Variants in BORCS5 observed in about 807,000 individuals in gnomAD.
BORCS5 encodes the protein BLOC-1 related complex subunit 5, also known as BLOC-1-related complex subunit 5.
BORCS5 carries 17 observed loss-of-function variants against 22.1 expected under a neutral mutation model. That is an observed-to-expected ratio of 0.77 (90% confidence interval 0.53 to 1.15). The LOEUF is 1.15. Ranked by LOEUF, BORCS5 falls within the 50% of genes most tolerant of loss-of-function variation. The probability of loss-of-function intolerance (pLI) is 0.00; values close to 1 mark genes in which losing one functional copy is unlikely to be tolerated. For missense variants in BORCS5, 247 were observed against 253.2 expected (o/e 0.98, Z 0.17); for synonymous variants, 117 against 99.8 (o/e 1.17, Z -1.03).
At chr12:12,415,576 A>AGGGGGAGGGGGG (rs1565887960) in intron 2 of BORCS5, among the ~76,000 whole-genome samples, 9 of 37,918 alleles carry the variant, frequency 2.4e-4, no homozygotes, top group Non-Finnish European at 4.2e-4. Flanking sequence ...GGGGAGGGGG[A>AGGGGGAGGGGGG]GGGGCGATTT....
intron 1 of BORCS5, among the ~76,000 whole-genome samples, chr12:12,359,882 A>T (rs1052698341): frequency 1.3e-5 from 2 of 152,120 alleles, no homozygotes; most frequent in African/African-American, 2.4e-5. Flanking sequence ...ACTGTCTAGC[A>T]CTGCTGACTT....
rs369992253 is a variant in BORCS5 at position 12,388,865 on chromosome 12, T to C, written c.202+27516T>C. Among the ~76,000 whole-genome samples the C allele has an allele frequency of 1.0e-4, 13 of 123,974 alleles. No individual in the cohort carries two copies. The East Asian group carries it at 2.7e-3, about 25-fold the overall frequency. The allele number at this position is 123,974 out of a possible 152,430, so 81.3% of individuals were successfully genotyped here. A position where few individuals can be genotyped will look rare whatever the true frequency, so the allele number is the denominator to read the frequency against. ...TTAAAAAATGTTCCAGATATGAGCA[T>C]AACTCCCTAAGCCATTCTTTTAGCA... On this transcript the variant is annotated intron_variant, in intron 2 of 3. Transcript: ENST00000314565.
chr12:12,465,515 G>A (rs1223169572), intron 3 of BORCS5, 31 bp from the exon 4 acceptor site: 1 of 1,588,702 alleles, frequency 6.3e-7, no homozygotes, highest in Non-Finnish European at 8.6e-7. Context: ...GATTAAACAA[G>A]GTATAATGTA....
chr12:12,421,479 G>A (rs1484334333), intron 2 of BORCS5, among the ~76,000 whole-genome samples: 1 of 152,096 alleles, frequency 6.6e-6, no homozygotes, highest in Admixed American at 6.6e-5. Flanking sequence ...TTTTCGCATC[G>A]ATGTTCATCA....
chr12:12,445,894 A>G (rs538856899), intron 3 of BORCS5, among the ~76,000 whole-genome samples: 1 of 151,326 alleles, frequency 6.6e-6, no homozygotes. Flanking sequence ...TCCTCCCACA[A>G]TGGCCTCCCA....
rs538108940 is a variant in BORCS5 at position 12,378,824 on chromosome 12, C to T, written c.202+17475C>T. Among the ~76,000 whole-genome samples the T allele has an allele frequency of 3.4e-4, 51 of 151,524 alleles. 2 individuals are homozygous for T. Among genetic ancestry groups the T allele is most frequent in the Admixed American group, 2.3e-3 (35 of 15,212 alleles). Reference sequence around the variant, plus strand: ...TGAGGGTGTAGTGGTGAGATCATGACTCACTGCAGCCTCGACCTCCCAGGC... The same window carrying T: ...TGAGGGTGTAGTGGTGAGATCATGATTCACTGCAGCCTCGACCTCCCAGGC... On this transcript the variant is annotated intron_variant, in intron 2 of 3. Coordinates refer to ENST00000314565, the MANE Select transcript of BORCS5 (RefSeq NM_058169.6).
intron 2 of BORCS5, among the ~76,000 whole-genome samples, chr12:12,430,311 T>C (rs1316026365): frequency 3.3e-5 from 5 of 152,044 alleles, no homozygotes; most frequent in East Asian, 3.9e-4. Context: ...CCACCACGCC[T>C]GGCTAATTTT....
intron 3 of BORCS5, among the ~76,000 whole-genome samples, chr12:12,449,694 G>C (rs559674746): frequency 3.3e-5 from 5 of 152,334 alleles, no homozygotes; most frequent in Admixed American, 6.5e-5. Context: ...TTTGAACAAA[G>C]GAAACAGGGT....
intron 2 of BORCS5, among the ~76,000 whole-genome samples, chr12:12,413,829 C>T (rs1307081423): frequency 7.2e-3 from 510 of 70,612 alleles, no homozygotes; most frequent in East Asian, 0.013. Flanking sequence ...GCTGGCCAGG[C>T]GGGGGGCTGG....
rs563549297 is a variant in BORCS5 at position 12,470,362 on chromosome 12, C to G, written c.*4586C>G. ...GGATTACAGGCGTGAGCCACTGCAC[C>G]TGGCCAGCTTCGTGTGTATTTATAG... On this transcript the variant is annotated 3_prime_UTR_variant, in exon 4 of 4. Transcript: ENST00000314565. Among the ~76,000 whole-genome samples, 7 of 152,316 alleles carry G rather than the reference C, an allele frequency of 4.6e-5. 1 individual carries two copies. The South Asian group carries it at 1.2e-3, about 27-fold the overall frequency.
At chr12:12,423,534 T>G (rs1942197304) in intron 2 of BORCS5, among the ~76,000 whole-genome samples, 1 of 131,818 alleles carries the variant, frequency 7.6e-6, no homozygotes, top group African/African-American at 3.6e-5. Context: ...AAATTCTTGG[T>G]TGACAGGTTT....
chr12:12,359,476 C>T (rs747481221), intron 1 of BORCS5, among the ~76,000 whole-genome samples: 3 of 151,444 alleles, frequency 2.0e-5, no homozygotes, highest in Non-Finnish European at 4.4e-5. Flanking sequence ...ATTTTCCTGC[C>T]TCAGCCTCCC....
At position 12,410,168 on chromosome 12, in the gene BORCS5, C is replaced by T. The variant is rs1308307901; in HGVS notation, c.203-25460C>T. ...TAGGTTGCAAACATTTTCTCCCATT[C>T]TGTAGGTTGCCTGTTCACTCTGATG... On this transcript the variant is annotated intron_variant, in intron 2 of 3. Transcript: ENST00000314565. Among the ~76,000 whole-genome samples, 52 of 152,156 alleles carry T rather than the reference C, an allele frequency of 3.4e-4. No homozygotes were observed. The East Asian group carries it at 4.1e-3, about 12-fold the overall frequency.
intron 2 of BORCS5, among the ~76,000 whole-genome samples, chr12:12,370,494 C>T (rs765398756): frequency 1.8e-4 from 28 of 152,078 alleles, no homozygotes; most frequent in Non-Finnish European, 3.7e-4. Flanking sequence ...ATGATTCTTG[C>T]TTGAATTAAT....
At chr12:12,388,427 G>T (rs1338069330) in intron 2 of BORCS5, among the ~76,000 whole-genome samples, 1 of 151,290 alleles carries the variant, frequency 6.6e-6, no homozygotes, top group Non-Finnish European at 1.5e-5. Flanking sequence ...CAACAAAAAG[G>T]AACTGCTGGC....
At chr12:12,413,866 T>C (rs1473528856) in intron 2 of BORCS5, among the ~76,000 whole-genome samples, 21 of 42,450 alleles carry the variant, frequency 4.9e-4, no homozygotes, top group Admixed American at 1.8e-3. Context: ...CCGGACGGGG[T>C]GGCTGGTCAG....
chr12:12,468,729 G>A lies in BORCS5; in HGVS notation c.*2953G>A, dbSNP rs1450654442. On this transcript the variant is annotated 3_prime_UTR_variant, in exon 4 of 4. Coordinates refer to ENST00000314565, the MANE Select transcript of BORCS5 (RefSeq NM_058169.6). ...CATTGGCTGCTTCTTTCTAGAGCCTGTTTTGCTTATCTTGCAATCTGTTCA... is the reference window on the plus strand; with the variant it reads ...CATTGGCTGCTTCTTTCTAGAGCCTATTTTGCTTATCTTGCAATCTGTTCA... The A allele has an allele frequency of 1.3e-5, 2 of 152,138 alleles. No homozygotes were observed. The highest frequency in any genetic ancestry group is 6.5e-5 in the Admixed American group (1 of 15,272). The allele number at this position is 152,138 out of a possible 1,614,324, so 9.4% of individuals were successfully genotyped here.
At chr12:12,364,442 ATCT>A (rs1472321130) in intron 2 of BORCS5, among the ~76,000 whole-genome samples, 1 of 152,188 alleles carries the variant, frequency 6.6e-6, no homozygotes, top group Non-Finnish European at 1.5e-5. Context: ...CATCAGAAAG[ATCT>A]TCATCATTGT....
intron 3 of BORCS5, among the ~76,000 whole-genome samples, chr12:12,438,374 A>AAAAAAAAAAAAAAAAAAACAAAAAAC (rs1555156024): frequency 2.4e-5 from 3 of 125,036 alleles, no homozygotes; most frequent in Non-Finnish European, 3.1e-5. Flanking sequence ...AAAAAAAAAA[A>AAAAAAAAAAAAAAAAAAACAAAAAAC]AAAAAACGAA....
Sources: gnomAD v4.1 joint callset for allele counts (sites outside exome capture counted in the v4.1 genomes callset) on GRCh38, gnomAD v4.1.1 for gene constraint, MANE v1.5 for transcripts, NCBI Gene and HGNC (gene_info 2026-07-23, HGNC 2026-07-21) for gene names.